Variants in ST6GALNAC6 observed in about 807,000 individuals in gnomAD.
ST6GALNAC6 encodes ST6 N-acetylgalactosaminide alpha-2,6-sialyltransferase 6, also known as alpha-N-acetylgalactosaminide alpha-2,6-sialyltransferase 6.
Under a neutral mutation model 34.3 loss-of-function variants are expected in ST6GALNAC6, and 19 were observed. That is an observed-to-expected ratio of 0.55 (90% CI 0.39 to 0.81). ST6GALNAC6 has a LOEUF of 0.81. Among genes scored for constraint, ST6GALNAC6 ranks in the 40% least tolerant of loss-of-function variants. The pLI, the probability that ST6GALNAC6 is intolerant of heterozygous loss-of-function variation, is 0.00. For missense variants in ST6GALNAC6, 377 were observed against 467.7 expected, an observed-to-expected ratio of 0.81 and a Z score of 1.79; for synonymous variants, 185 against 182.1, an observed-to-expected ratio of 1.02 and a Z score of -0.13.
At chr9:127,905,605 A>G (rs746170107), upstream of ST6GALNAC6, among the ~76,000 whole-genome samples, 2 of 152,094 alleles carry the variant, frequency 1.3e-5, no homozygotes, top group Admixed American at 1.3e-4. Context: ...GAGACAACCA[A>G]TGGGGCAGGG....
At chr9:127,898,449 G>C (rs955851580) in intron 1 of ST6GALNAC6, among the ~76,000 whole-genome samples, 18 of 151,946 alleles carry the variant, frequency 1.2e-4, no homozygotes, top group Non-Finnish European at 2.4e-4. Context: ...AGAAAGAAAA[G>C]AAAGTGCTCC....
intron 4 of ST6GALNAC6, 65 bp from the exon 5 acceptor site, chr9:127,891,108 C>A: frequency 6.4e-7 from 1 of 1,551,198 alleles, no homozygotes; most frequent in Non-Finnish European, 8.7e-7. Flanking sequence ...TCCATACATC[C>A]AGGCCTCCAG....
chr9:127,896,714 C>T (rs1362273635), intron 2 of ST6GALNAC6, among the ~76,000 whole-genome samples: 2 of 152,156 alleles, frequency 1.3e-5, no homozygotes, highest in Non-Finnish European at 2.9e-5. Flanking sequence ...CGCTTGTAGG[C>T]CCCCGAACTC....
chr9:127,896,426 T>C (rs1830459435), intron 2 of ST6GALNAC6, 94 bp from the exon 3 acceptor site: 5 of 1,079,068 alleles, frequency 4.6e-6, no homozygotes, highest in South Asian at 3.0e-5. Flanking sequence ...AGTTCTTCTA[T>C]GCACCCAGAA....
At chr9:127,905,456 G>A (rs891407508), upstream of ST6GALNAC6, 31 of 985,238 alleles carry the variant, frequency 3.1e-5, no homozygotes, top group Non-Finnish European at 3.5e-5. Context: ...CTGTGTCCTG[G>A]GCCCAAGGGC....
At chr9:127,889,558 C>T (rs1425591342) in intron 5 of ST6GALNAC6, among the ~76,000 whole-genome samples, 1 of 151,672 alleles carries the variant, frequency 6.6e-6, no homozygotes, top group Non-Finnish European at 1.5e-5. Context: ...ATTCTCTTGC[C>T]TCAGCCTCCC....
At chr9:127,894,434 T>A (rs1368815211) in intron 4 of ST6GALNAC6, 78 bp downstream of exon 4, 1 of 1,545,330 alleles carries the variant, frequency 6.5e-7, no homozygotes, top group African/African-American at 1.4e-5. Context: ...AGGGTCCACC[T>A]TTCCTTTAGG....
At chr9:127,888,221 T>C (rs1043578279) in intron 5 of ST6GALNAC6, among the ~76,000 whole-genome samples, 1 of 152,078 alleles carries the variant, frequency 6.6e-6, no homozygotes, top group African/African-American at 2.4e-5. Context: ...AATTAAAACT[T>C]AGCCAGGTGC....
At chr9:127,889,795 G>T (rs1830027501) in intron 5 of ST6GALNAC6, among the ~76,000 whole-genome samples, 1 of 152,072 alleles carries the variant, frequency 6.6e-6, no homozygotes, top group African/African-American at 2.4e-5. Context: ...TAACAATTGG[G>T]AACAAAAGAA....
At chr9:127,902,965 A>C (rs942337534), upstream of ST6GALNAC6, 2 of 147,002 alleles carry the variant, frequency 1.4e-5, no homozygotes, top group African/African-American at 2.5e-5. Flanking sequence ...AACAAACTGC[A>C]ATATATAGCA....
chr9:127,891,494 GTAATCACAGCTAC>G (rs529497874), intron 4 of ST6GALNAC6, among the ~76,000 whole-genome samples: 24 of 151,646 alleles, frequency 1.6e-4, no homozygotes, highest in African/African-American at 5.8e-4. Flanking sequence ...GCGCGTGCCT[GTAATCACAGCTAC>G]TCGGGAGACT....
intron 2 of ST6GALNAC6, chr9:127,897,328 C>G: frequency 2.0e-6 from 2 of 985,790 alleles, no homozygotes; most frequent in Non-Finnish European, 2.4e-6. Flanking sequence ...GTCCCCTGCT[C>G]CAGGGGCCTC....
In ST6GALNAC6 at chr9:127,897,261, G is replaced by A. The variant is rs939519953; in HGVS notation, c.26+695C>T. 2.6e-5 allele frequency: 26 copies of A among 985,892 alleles called. No individual in the cohort carries two copies. In the African/African-American group the frequency reaches 3.3e-4, roughly 13 times the overall value. 61.1% of individuals were successfully genotyped at this position (985,892 alleles called of 1,614,324 possible). On this transcript the variant is annotated intron_variant, in intron 2 of 6. Coordinates refer to ENST00000373146, the MANE Select transcript of ST6GALNAC6 (RefSeq NM_013443.5). ...ACCTCCAGCAGACAGGCCGGGGGCA[G>A]GGCGGGCAGGAGTGCAGAGGGAAGA...
upstream of ST6GALNAC6, chr9:127,904,030 G>A (rs754954053): frequency 1.3e-5 from 2 of 152,166 alleles, no homozygotes; most frequent in Non-Finnish European, 2.9e-5. Flanking sequence ...CCCTTCTTGG[G>A]CCCCAAGAAC....
Position 127,890,683 on chromosome 9 carries a change from T to C in ST6GALNAC6, c.658A>G (p.Met220Val). 4 of 1,613,420 alleles carry C rather than the reference T, an allele frequency of 2.5e-6. No individual in the cohort carries two copies. The highest frequency in any genetic ancestry group is 3.4e-6 in the Non-Finnish European group (4 of 1,180,018). ...MEAYAVSPGR[M>V]RQFDDLFRGE... is the part of the protein sequence containing the mutation. ...CGGAAGAGGTCGTCAAATTGCCGCA[T>C]GCGGCCGGGAGAGACGGCATATGCT... Residue 220 changes from methionine (M) to valine (V), a missense_variant, in exon 5 of 7, where the codon ATG (methionine) becomes GTG (valine). Coordinates refer to ENST00000373146, the MANE Select transcript of ST6GALNAC6 (RefSeq NM_013443.5). The surrounding 1 kb of genome is among the most constrained non-coding windows in gnomAD (Gnocchi z 4.3).
chr9:127,905,889 G>A (rs777046003), upstream of ST6GALNAC6: 97 of 972,014 alleles, frequency 1.0e-4, no homozygotes, highest in Non-Finnish European at 9.8e-5. Flanking sequence ...CTCTGAGCCC[G>A]GAAACCCCCT....
chr9:127,893,870 G>A (rs1299711457), intron 4 of ST6GALNAC6, among the ~76,000 whole-genome samples: 2 of 152,214 alleles, frequency 1.3e-5, no homozygotes, highest in African/African-American at 2.4e-5. Context: ...GAAGGAGAAA[G>A]AGGTACTACA....
Position 127,885,680 on chromosome 9 carries a change from G to C in ST6GALNAC6, c.*919C>G, listed in dbSNP as rs1262822234. The stretch of plus-strand genomic sequence containing the variant: ...AGCCCCAAAGGCGCCTCCAACAGTT[G>C]GAAAACCTCCCTGCTAGAGGGCAGA... On this transcript the variant is annotated 3_prime_UTR_variant, in exon 7 of 7. Coordinates refer to ENST00000373146, the MANE Select transcript of ST6GALNAC6 (RefSeq NM_013443.5). 1 of 152,186 alleles carries C rather than the reference G, an allele frequency of 6.6e-6. No homozygotes were observed. The highest frequency in any genetic ancestry group is 1.5e-5 in the Non-Finnish European group (1 of 68,050). The allele number at this position is 152,186 out of a possible 1,614,324, so 9.4% of individuals were successfully genotyped here. A position where few individuals can be genotyped will look rare whatever the true frequency, so the allele number is the denominator to read the frequency against.
In ST6GALNAC6 at chr9:127,892,073, C is replaced by T. The variant is rs1830179167; in HGVS notation, c.298-1030G>A. On this transcript the variant is annotated intron_variant, in intron 4 of 6. Transcript: ENST00000373146. ...GGCTGAGGCAGGAGAATCGCTTGAACCCCGGAGGCAGATGTTGCGGTGACC... is the reference window on the plus strand; with the variant it reads ...GGCTGAGGCAGGAGAATCGCTTGAATCCCGGAGGCAGATGTTGCGGTGACC... Among the ~76,000 whole-genome samples, 4 of 152,166 alleles carry T rather than the reference C, an allele frequency of 2.6e-5. No homozygotes were observed. The South Asian group carries it at 8.3e-4, about 32-fold the overall frequency.
Sources: allele counts gnomAD v4.1 joint callset (sites outside exome capture counted in the v4.1 genomes callset), GRCh38; gene constraint gnomAD v4.1.1; non-coding constraint Gnocchi (gnomAD v3.1); transcripts MANE v1.5; gene names NCBI Gene and HGNC (gene_info 2026-07-23, HGNC 2026-07-21).